Variants in CD96 observed in about 807,000 individuals in gnomAD.
CD96 encodes the protein T-cell surface protein tactile.
Under a neutral mutation model 71.3 loss-of-function variants are expected in CD96, and 70 were observed. The observed-to-expected ratio is 0.98, with a 90% CI of 0.81 to 1.20. The LOEUF (loss-of-function observed/expected upper bound fraction) is 1.20. CD96 is among the 50% of genes most tolerant of loss of function. CD96 has a pLI of 0.00. For missense variants in CD96, 742 were observed against 677.5 expected (o/e 1.10, Z -1.06); for synonymous variants, 248 against 233.0 (o/e 1.06, Z -0.59).
At chr3:111,603,453 A>AG (rs916622363) in intron 7 of CD96, among the ~76,000 whole-genome samples, 2 of 152,102 alleles carry the variant, frequency 1.3e-5, no homozygotes, top group African/African-American at 4.8e-5. Context: ...TCAAAAAAAA[A>AG]AAAAAATCCC....
At chr3:111,565,565 G>T (rs62275478) in intron 2 of CD96, among the ~76,000 whole-genome samples, 148 of 151,904 alleles carry the variant, frequency 9.7e-4, no homozygotes, top group African/African-American at 3.1e-3. Flanking sequence ...AATAATTTAA[G>T]AATAAAATTA....
At chr3:111,588,612 G>T (rs887932216) in intron 5 of CD96, among the ~76,000 whole-genome samples, 2 of 152,034 alleles carry the variant, frequency 1.3e-5, no homozygotes, top group Non-Finnish European at 2.9e-5. Flanking sequence ...TCATACTACT[G>T]ATAAAGACAT....
At chr3:111,665,927 C>G (rs890220716), downstream of CD96, among the ~76,000 whole-genome samples, 1 of 152,174 alleles carries the variant, frequency 6.6e-6, no homozygotes, top group African/African-American at 2.4e-5. Context: ...GGACTTTTAC[C>G]CATCACCCCA....
chr3:111,580,802 C>A (rs1460546686), intron 4 of CD96, among the ~76,000 whole-genome samples: 2 of 152,176 alleles, frequency 1.3e-5, no homozygotes, highest in Non-Finnish European at 2.9e-5. Flanking sequence ...TGGAAACAAG[C>A]TGTTCATCTC....
chr3:111,560,536 C>T (rs1375681330), intron 2 of CD96, among the ~76,000 whole-genome samples: 2 of 111,620 alleles, frequency 1.8e-5, no homozygotes, highest in East Asian at 2.4e-4. Flanking sequence ...GAATATTGGC[C>T]CCCACTCTCT....
intron 14 of CD96, among the ~76,000 whole-genome samples, chr3:111,661,244 T>C (rs116258517): frequency 8.9e-4 from 136 of 152,320 alleles, no homozygotes; most frequent in African/African-American, 3.1e-3. Context: ...CCCACTTCCA[T>C]GATCCAGTCA....
chr3:111,619,143 C>G (rs1294393148), intron 8 of CD96, among the ~76,000 whole-genome samples: 3 of 152,158 alleles, frequency 2.0e-5, no homozygotes, highest in Non-Finnish European at 4.4e-5. Context: ...AATGATGTCA[C>G]ATGGAGATGA....
intron 8 of CD96, among the ~76,000 whole-genome samples, chr3:111,609,791 A>G (rs998572922): frequency 6.6e-6 from 1 of 152,204 alleles, no homozygotes; most frequent in East Asian, 1.9e-4. Flanking sequence ...TCCGTAAAAC[A>G]AGGTTCCACC....
chr3:111,593,993 T>C lies in CD96; in HGVS notation c.808-4127T>C, dbSNP rs1229787903. 3 of 1,614,166 alleles carry C rather than the reference T, an allele frequency of 1.9e-6. No homozygotes were observed. Among genetic ancestry groups the C allele is most frequent in the East Asian group, 4.5e-5 (2 of 44,870 alleles). ...GCAGGTGGCATACTGGTTGGGATGG[T>C]GCCCAGCACGAGCAGGAGCTAGGTG... On this transcript the variant is annotated intron_variant, in intron 5 of 13. Coordinates refer to ENST00000352690, the MANE Select transcript of CD96 (RefSeq NM_005816.5).
chr3:111,646,145 A>G (rs1559777193), intron 12 of CD96, among the ~76,000 whole-genome samples: 2 of 152,146 alleles, frequency 1.3e-5, no homozygotes, highest in African/African-American at 2.4e-5. Context: ...CGAAATACCT[A>G]AAGACCTATC....
At chr3:111,604,863 T>C (rs1377642676) in intron 7 of CD96, among the ~76,000 whole-genome samples, 2 of 151,688 alleles carry the variant, frequency 1.3e-5, no homozygotes, top group Non-Finnish European at 2.9e-5. Flanking sequence ...AAAGCAACCA[T>C]GGACAATAGG....
At position 111,657,899 on chromosome 3, in the gene CD96, C is replaced by T. The variant is rs149419006; in HGVS notation, c.*53-7628C>T. 2.5e-4 allele frequency among the ~76,000 whole-genome samples: 38 copies of T among 152,270 alleles called. No individual in the cohort carries two copies. In the East Asian group the frequency reaches 6.2e-3, roughly 25 times the overall value. On this transcript the variant is annotated intron_variant and NMD_transcript_variant, in intron 14 of 14. Coordinates refer to the CD96 transcript ENST00000494798. ...TCACTGGTAATCTTAATCTTAATCA[C>T]GTCTGTGTGTAAATGTGCTTGAGCA... is the stretch of plus-strand genomic sequence containing the variant.
chr3:111,625,940 A>G (rs1938728060), intron 10 of CD96, among the ~76,000 whole-genome samples: 1 of 152,208 alleles, frequency 6.6e-6, no homozygotes, highest in Non-Finnish European at 1.5e-5. Context: ...AATTAATAAC[A>G]AATATGACAA....
chr3:111,549,164 C>T (rs557188535), intron 2 of CD96, among the ~76,000 whole-genome samples: 13 of 151,884 alleles, frequency 8.6e-5, no homozygotes, highest in Non-Finnish European at 1.6e-4. Context: ...CCTCCCCTCT[C>T]TTCCCCTCCC....
intron 2 of CD96, among the ~76,000 whole-genome samples, chr3:111,564,073 G>C (rs1043353077): frequency 6.6e-6 from 1 of 152,052 alleles, no homozygotes; most frequent in Non-Finnish European, 1.5e-5. Flanking sequence ...CCCCATGTTT[G>C]ACTTTGCTCG....
chr3:111,598,886 C>T (rs995551587), intron 6 of CD96, among the ~76,000 whole-genome samples: 1 of 152,212 alleles, frequency 6.6e-6, no homozygotes, highest in Non-Finnish European at 1.5e-5. Flanking sequence ...TCTCCTTTCT[C>T]CTGAGTCGTT....
chr3:111,657,215 T>G (rs1407879950), downstream of CD96, among the ~76,000 whole-genome samples: 11 of 151,598 alleles, frequency 7.3e-5, no homozygotes, highest in Non-Finnish European at 1.6e-4. Context: ...GTCAGGAGTT[T>G]GAGACCAGCC....
intron 11 of CD96, among the ~76,000 whole-genome samples, chr3:111,637,709 C>G (rs1159856436): frequency 6.6e-6 from 1 of 152,070 alleles, no homozygotes; most frequent in Non-Finnish European, 1.5e-5. Context: ...CCACGACCCC[C>G]AACTCTGGCC....
At chr3:111,580,895 A>G (rs1271149539) in intron 4 of CD96, among the ~76,000 whole-genome samples, 4 of 152,212 alleles carry the variant, frequency 2.6e-5, no homozygotes, top group African/African-American at 9.6e-5. Flanking sequence ...TCTATTGTCA[A>G]ACCAATGAAG....
Sources: allele counts gnomAD v4.1 joint callset (sites outside exome capture counted in the v4.1 genomes callset), GRCh38; gene constraint gnomAD v4.1.1; transcripts MANE v1.5; gene names NCBI Gene and HGNC (gene_info 2026-07-23, HGNC 2026-07-21).